The following ARHGEF26 variants were observed in gnomAD, a reference collection of about 807,000 sequenced individuals.
ARHGEF26 encodes Rho guanine nucleotide exchange factor 26.
Under a neutral mutation model 89.4 loss-of-function variants are expected in ARHGEF26, and 59 were observed. The observed-to-expected ratio is 0.66, with a 90% CI of 0.54 to 0.82. The LOEUF is 0.82. Among genes scored for constraint, ARHGEF26 ranks in the 40% least tolerant of loss-of-function variants. The pLI is 0.00. For missense variants in ARHGEF26, 1,234 were observed against 1,085.6 expected (o/e 1.14, Z -1.92); for synonymous variants, 500 against 428.4 (o/e 1.17, Z -2.06).
At chr3:154,219,939 A>ACAAAAAAACC (rs11282930) in intron 10 of ARHGEF26, among the ~76,000 whole-genome samples, 2 of 151,402 alleles carry the variant, frequency 1.3e-5, no homozygotes, top group Admixed American at 6.6e-5. Flanking sequence ...CAAAAAACAA[A>ACAAAAAAACC]CAAAAAAGTA....
rs1400707034 is a variant in ARHGEF26, at chr3:154,256,013, C to G, written c.*540C>G. The G allele has an allele frequency of 1.0e-6, 1 of 985,280 alleles. No individual in the cohort carries two copies. Among genetic ancestry groups the G allele is most frequent in the Admixed American group, 6.2e-5 (1 of 16,214 alleles). The allele number at this position is 985,280 out of a possible 1,614,324, so 61.0% of individuals were successfully genotyped here. ...GTTCAGAAGGTGAGCTGTTGTTTTT[C>G]TAAACCTCTTCCCAGGAAGGGGACA... On this transcript the variant is annotated 3_prime_UTR_variant, in exon 15 of 15. Coordinates refer to ENST00000465093, the MANE Select transcript of ARHGEF26 (RefSeq NM_015595.4).
chr3:154,250,795 T>C (rs1011123861), intron 12 of ARHGEF26, among the ~76,000 whole-genome samples: 6 of 152,254 alleles, frequency 3.9e-5, no homozygotes, highest in African/African-American at 1.4e-4. Context: ...TTGTTTTCGA[T>C]TGGCTTTGTA....
intron 9 of ARHGEF26, among the ~76,000 whole-genome samples, chr3:154,199,909 A>AT (rs1199352810): frequency 7.2e-5 from 11 of 151,748 alleles, no homozygotes; most frequent in Admixed American, 6.6e-5. Flanking sequence ...GGATTATTAG[A>AT]TTTTTTTTCT....
rs1576709439 is a variant in ARHGEF26, at chr3:154,152,941, A to G, written c.1487+9A>G. The G allele has an allele frequency of 1.3e-6, 2 of 1,556,694 alleles. No homozygotes were observed. The highest frequency in any genetic ancestry group is 4.7e-5 in the East Asian group (2 of 42,816). On this transcript the variant is annotated intron_variant, in intron 6 of 14. Transcript: ENST00000465093. The stretch of plus-strand genomic sequence containing the variant: ...TGTGAGGCAAGCAAAAAGTAAGTGC[A>G]CTGCAGTCTGCCTTTGGTCGTGCCA...
chr3:154,197,987 T>C (rs1714390647), intron 9 of ARHGEF26, among the ~76,000 whole-genome samples: 1 of 152,146 alleles, frequency 6.6e-6, no homozygotes, highest in African/African-American at 2.4e-5. Context: ...AAATTCCGTT[T>C]AGAGTTGGAG....
chr3:154,204,949 T>A (rs1714920077), intron 9 of ARHGEF26, among the ~76,000 whole-genome samples: 2 of 152,194 alleles, frequency 1.3e-5, no homozygotes, highest in African/African-American at 4.8e-5. Context: ...GGACAGTTAT[T>A]GAGAATGATC....
At chr3:154,124,978 C>CAA (rs5853679) in intron 3 of ARHGEF26, among the ~76,000 whole-genome samples, 31 of 145,988 alleles carry the variant, frequency 2.1e-4, no homozygotes, top group African/African-American at 7.6e-4. Flanking sequence ...TTAAGGATCT[C>CAA]AAAAAAAAAA....
intron 11 of ARHGEF26, among the ~76,000 whole-genome samples, chr3:154,226,440 T>A (rs1358997180): frequency 3.3e-5 from 5 of 152,186 alleles, no homozygotes; most frequent in Admixed American, 2.6e-4. Context: ...GCACTGCTTT[T>A]AATGATCCTT....
At chr3:154,132,440 C>T (rs1239860507) in intron 4 of ARHGEF26, among the ~76,000 whole-genome samples, 11 of 151,980 alleles carry the variant, frequency 7.2e-5, no homozygotes, top group Admixed American at 6.6e-4. Context: ...TTCTGTCCAC[C>T]AAAAAGATAT....
intron 4 of ARHGEF26, among the ~76,000 whole-genome samples, chr3:154,135,598 C>T (rs145470823): frequency 1.1e-4 from 17 of 152,232 alleles, no homozygotes; most frequent in Middle Eastern, 3.4e-3. Flanking sequence ...GGTAAATCAC[C>T]GGTGCCTCAC....
At chr3:154,247,812 T>C (rs956229283) in intron 12 of ARHGEF26, among the ~76,000 whole-genome samples, 1 of 152,242 alleles carries the variant, frequency 6.6e-6, no homozygotes, top group African/African-American at 2.4e-5. Flanking sequence ...TACTGTGTTA[T>C]ATCTGTTTGT....
chr3:154,254,889 G>C (rs1718394341), intron 14 of ARHGEF26, 65 bp downstream of exon 14: 1 of 1,334,112 alleles, frequency 7.5e-7, no homozygotes, highest in Non-Finnish European at 1.1e-6. Context: ...GACCCGAGGA[G>C]TGTCATTTTG....
chr3:154,239,916 C>G (rs1358853695), intron 11 of ARHGEF26, among the ~76,000 whole-genome samples: 1 of 151,826 alleles, frequency 6.6e-6, no homozygotes, highest in Admixed American at 6.6e-5. Context: ...GCAAGCAGAC[C>G]TCTGGGGCTC....
chr3:154,122,361 C>T lies in ARHGEF26; in HGVS notation c.369C>T (p.Gly123=). 2 of 1,612,552 alleles carry T rather than the reference C, an allele frequency of 1.2e-6. No individual in the cohort carries two copies. Among genetic ancestry groups the T allele is most frequent in the Non-Finnish European group, 1.7e-6 (2 of 1,179,700 alleles). ...AGCTCCCCAAAGCGGTGCCTGGCGGCTCCCCGAAATCCCCAGCAAATGGCG... is the reference window on the plus strand; with the variant it reads ...AGCTCCCCAAAGCGGTGCCTGGCGGTTCCCCGAAATCCCCAGCAAATGGCG... ...SPKLPKAVPG[G]SPKSPANGAV... The change falls in exon 2 of 15, where the codon GGC becomes GGT. Residue 123 remains glycine (G), a synonymous_variant. Coordinates refer to ENST00000465093, the MANE Select transcript of ARHGEF26 (RefSeq NM_015595.4).
rs369492873 is a variant in ARHGEF26 at position 154,254,829 on chromosome 3, G to A, written c.2473+5G>A. The A allele has an allele frequency of 1.2e-6, 2 of 1,612,664 alleles. No individual in the cohort carries two copies. Among genetic ancestry groups the A allele is most frequent in the African/African-American group, 2.7e-5 (2 of 74,870 alleles). On this transcript the variant is annotated splice_donor_5th_base_variant and intron_variant, in intron 14 of 14. Coordinates refer to ENST00000465093, the MANE Select transcript of ARHGEF26 (RefSeq NM_015595.4). ...TCTATCAACGTGTCAGCGATGGTGAGTGGGAGCGTTCTTATGGGACACTCG... is the reference window on the plus strand; with the variant it reads ...TCTATCAACGTGTCAGCGATGGTGAATGGGAGCGTTCTTATGGGACACTCG...
At chr3:154,144,604 G>A (rs1327943946) in intron 4 of ARHGEF26, among the ~76,000 whole-genome samples, 2 of 152,150 alleles carry the variant, frequency 1.3e-5, no homozygotes, top group Non-Finnish European at 2.9e-5. Flanking sequence ...TGTATTCTCA[G>A]CCTCATGTCT....
intron 12 of ARHGEF26, among the ~76,000 whole-genome samples, chr3:154,245,153 A>ACC (rs1717724719): frequency 6.6e-6 from 1 of 152,096 alleles, no homozygotes; most frequent in African/African-American, 2.4e-5. Context: ...TCAGCCTCTC[A>ACC]AAGAGCTGGG....
At chr3:154,124,196 T>C (rs1459142225) in intron 2 of ARHGEF26, among the ~76,000 whole-genome samples, 1 of 152,180 alleles carries the variant, frequency 6.6e-6, no homozygotes, top group African/African-American at 2.4e-5. Context: ...GTGGGGGATC[T>C]TGTACATTTT....
intron 6 of ARHGEF26, among the ~76,000 whole-genome samples, chr3:154,157,092 A>T (rs559195306): frequency 6.6e-6 from 1 of 152,136 alleles, no homozygotes; most frequent in Non-Finnish European, 1.5e-5. Flanking sequence ...ACAAGCAGGG[A>T]CAACGATCAT....
Sources: gnomAD v4.1 joint callset for allele counts (sites outside exome capture counted in the v4.1 genomes callset) on GRCh38, gnomAD v4.1.1 for gene constraint, MANE v1.5 for transcripts, NCBI Gene and HGNC (gene_info 2026-07-23, HGNC 2026-07-21) for gene names.